CNTNAP2: variants seen among roughly 807,000 people sequenced by gnomAD.
CNTNAP2 encodes contactin-associated protein-like 2.
Under a neutral mutation model 155.2 loss-of-function variants are expected in CNTNAP2, and 98 were observed. The observed-to-expected ratio is 0.63, with a 90% confidence interval of 0.54 to 0.75. The LOEUF (loss-of-function observed/expected upper bound fraction) is 0.75. CNTNAP2 is among the 30% of genes least tolerant of loss of function. The pLI, the probability that CNTNAP2 is intolerant of heterozygous loss-of-function variation, is 0.00. For synonymous variants in CNTNAP2, 651 were observed against 631.2 expected, an observed-to-expected ratio of 1.03 and a Z score of -0.47; for missense variants, 1,727 against 1,688.1, an observed-to-expected ratio of 1.02 and a Z score of -0.40.
Position 146,506,111 on chromosome 7 carries a change from A to C in CNTNAP2, c.98-268160A>C, listed in dbSNP as rs546106233. Among the ~76,000 whole-genome samples, 368 of 152,316 alleles carry C rather than the reference A, an allele frequency of 2.4e-3. 1 individual carries two copies. The highest frequency in any genetic ancestry group is 5.6e-3 in the Admixed American group (85 of 15,298). ...CATTCAACAGTCAGGGGATGACTGT[A>C]TAGGGCACACAAGTGTTGCAGGGCC... On this transcript the variant is annotated intron_variant, in intron 1 of 23. Transcript: ENST00000361727.
intron 4 of CNTNAP2, among the ~76,000 whole-genome samples, chr7:147,044,739 A>C (rs1286503775): frequency 6.6e-6 from 1 of 151,858 alleles, no homozygotes; most frequent in African/African-American, 2.4e-5. Flanking sequence ...TGCAAATGGT[A>C]CTTGTTTTCT....
At chr7:147,413,914 C>T (rs1797144179) in intron 10 of CNTNAP2, among the ~76,000 whole-genome samples, 1 of 152,144 alleles carries the variant, frequency 6.6e-6, no homozygotes. Flanking sequence ...TTTCCCTTAC[C>T]ATTTCCAGGG....
intron 14 of CNTNAP2, among the ~76,000 whole-genome samples, chr7:147,962,159 T>C (rs968723785): frequency 6.6e-6 from 1 of 152,244 alleles, no homozygotes; most frequent in Non-Finnish European, 1.5e-5. Context: ...GCCTGGAATG[T>C]AGTGGACACT....
chr7:148,240,830 A>G (rs895108652), intron 20 of CNTNAP2, among the ~76,000 whole-genome samples: 3 of 114,712 alleles, frequency 2.6e-5, no homozygotes, highest in Admixed American at 1.1e-4. Context: ...TTGGAGTCCA[A>G]TGTTTGAGGG....
intron 1 of CNTNAP2, among the ~76,000 whole-genome samples, chr7:146,766,863 ACTGGG>A (rs1802204006): frequency 1.3e-5 from 2 of 152,080 alleles, no homozygotes; most frequent in Non-Finnish European, 2.9e-5. Context: ...CCCCTATAAC[ACTGGG>A]CTTTGTCTCA....
intron 8 of CNTNAP2, among the ~76,000 whole-genome samples, chr7:147,245,679 C>T (rs554276447): frequency 7.6e-6 from 1 of 131,528 alleles, no homozygotes; most frequent in East Asian, 2.4e-4. Context: ...ACTAAAAATA[C>T]AAAAGTTAGC....
intron 3 of CNTNAP2, among the ~76,000 whole-genome samples, chr7:146,881,194 G>C (rs925931880): frequency 6.6e-6 from 1 of 151,988 alleles, no homozygotes; most frequent in African/African-American, 2.4e-5. Context: ...CTAGATCTTA[G>C]GTATTTTAAC....
chr7:147,076,789 A>G (rs1800008927), intron 4 of CNTNAP2, among the ~76,000 whole-genome samples: 1 of 152,202 alleles, frequency 6.6e-6, no homozygotes, highest in East Asian at 1.9e-4. Flanking sequence ...TTTCTACTTT[A>G]ATAGACGTTC....
rs534178627 is a variant in CNTNAP2, at chr7:146,766,227, T to A, written c.98-8044T>A. Among the ~76,000 whole-genome samples the A allele has an allele frequency of 1.1e-4, 16 of 152,326 alleles. No individual in the cohort carries two copies. The South Asian group carries it at 3.3e-3, about 32-fold the overall frequency. ...ATGAAATAAAGTTGATGTCTTTTGC[T>A]GAGGCTATTCAATGTAGGCATATCC... On this transcript the variant is annotated intron_variant, in intron 1 of 23. Transcript: ENST00000361727.
intron 12 of CNTNAP2, among the ~76,000 whole-genome samples, chr7:147,619,186 G>A (rs1016390903): frequency 7.2e-5 from 11 of 152,136 alleles, no homozygotes; most frequent in African/African-American, 2.7e-4. Flanking sequence ...TATTTAAAAA[G>A]CATTAGTTAA....
chr7:147,342,092 G>A (rs1458110467), intron 9 of CNTNAP2, among the ~76,000 whole-genome samples: 1 of 152,094 alleles, frequency 6.6e-6, no homozygotes, highest in Non-Finnish European at 1.5e-5. Context: ...GAGAGAGACT[G>A]GAAGCTTGCT....
At chr7:147,174,780 T>C (rs1378498231) in intron 8 of CNTNAP2, among the ~76,000 whole-genome samples, 1 of 152,144 alleles carries the variant, frequency 6.6e-6, no homozygotes, top group Non-Finnish European at 1.5e-5. Flanking sequence ...AATATTGTAT[T>C]TTTATTCATG....
At chr7:148,239,802 C>T (rs1796112668) in intron 20 of CNTNAP2, among the ~76,000 whole-genome samples, 1 of 152,156 alleles carries the variant, frequency 6.6e-6, no homozygotes, top group African/African-American at 2.4e-5. Flanking sequence ...AGCCCGTATG[C>T]AAGGACATGG....
intron 1 of CNTNAP2, among the ~76,000 whole-genome samples, chr7:146,563,977 T>C (rs192951133): frequency 5.3e-5 from 8 of 152,258 alleles, no homozygotes; most frequent in African/African-American, 1.9e-4. Context: ...TTCTTGTATT[T>C]CCCCTCTCAT....
At chr7:148,396,520 C>T (rs1327564083) in intron 22 of CNTNAP2, among the ~76,000 whole-genome samples, 1 of 152,198 alleles carries the variant, frequency 6.6e-6, no homozygotes, top group Non-Finnish European at 1.5e-5. Context: ...GAATCTCTGT[C>T]AGTCACCACC....
chr7:147,695,072 T>G (rs1796142184), intron 13 of CNTNAP2, among the ~76,000 whole-genome samples: 1 of 152,200 alleles, frequency 6.6e-6, no homozygotes, highest in Non-Finnish European at 1.5e-5. Context: ...TTTAAATTTT[T>G]CTTGTAATTT....
At chr7:147,863,183 T>C (rs1441681507) in intron 13 of CNTNAP2, among the ~76,000 whole-genome samples, 1 of 152,188 alleles carries the variant, frequency 6.6e-6, no homozygotes, top group African/African-American at 2.4e-5. Context: ...ATGTGGTGTT[T>C]GGTTTTCTGT....
At chr7:146,959,330 A>G (rs1012512146) in intron 3 of CNTNAP2, among the ~76,000 whole-genome samples, 1 of 152,168 alleles carries the variant, frequency 6.6e-6, no homozygotes, top group African/African-American at 2.4e-5. Flanking sequence ...ACCTGTAGCG[A>G]GAAAAGATGC....
At chr7:147,150,783 A>G (rs1801810192) in intron 8 of CNTNAP2, among the ~76,000 whole-genome samples, 1 of 152,242 alleles carries the variant, frequency 6.6e-6, no homozygotes, top group South Asian at 2.1e-4. Context: ...AAACAGAACA[A>G]GACGACAACA....
Sources: gnomAD v4.1 joint callset for allele counts (sites outside exome capture counted in the v4.1 genomes callset) on GRCh38, gnomAD v4.1.1 for gene constraint, MANE v1.5 for transcripts, NCBI Gene and HGNC (gene_info 2026-07-23, HGNC 2026-07-21) for gene names.